KIT: variants seen among roughly 807,000 people sequenced by gnomAD.
KIT encodes the protein KIT proto-oncogene, receptor tyrosine kinase, also known as mast/stem cell growth factor receptor Kit.
In KIT, 16 loss-of-function variants were observed where a neutral mutation model predicts 105.7. That is an observed-to-expected ratio of 0.15 (90% CI 0.10 to 0.23). The LOEUF (loss-of-function observed/expected upper bound fraction) is 0.23, where lower values mean the gene tolerates loss of function less well. Ranked by LOEUF, KIT falls within the 10% of genes least tolerant of loss-of-function variation. The pLI, the probability that KIT is intolerant of heterozygous loss-of-function variation, is 1.00. For missense variants in KIT, 858 were observed against 1,213.8 expected (o/e 0.71, Z 4.36); for synonymous variants, 438 against 441.1 (o/e 0.99, Z 0.09).
In KIT at chr4:54,703,876, A is replaced by G. The variant is rs531740394; in HGVS notation, c.909A>G (p.Thr303=). The G allele has an allele frequency of 1.2e-6, 2 of 1,613,652 alleles. No individual in the cohort carries two copies. Among genetic ancestry groups the G allele is most frequent in the African/African-American group, 2.7e-5 (2 of 75,050 alleles). Residue 303 remains threonine, a synonymous_variant, in exon 5 of 21, where the codon ACA becomes ACG. Transcript: ENST00000288135. ...CTTTTGGATCAGCAAATGTCACAAC[A>G]ACCTTGGAAGTAGTAGGTAAATACC... is the stretch of plus-strand genomic sequence containing the variant. The part of the protein sequence containing the change: ...NNTFGSANVT[T]TLEVVDKGFI...
At chr4:54,709,118 A>AG (rs1172871888) in intron 6 of KIT, among the ~76,000 whole-genome samples, 3 of 81,590 alleles carry the variant, frequency 3.7e-5, no homozygotes, top group Non-Finnish European at 5.1e-5. Flanking sequence ...CGGACAGCCC[A>AG]GGGTGGTGGG....
In KIT at chr4:54,722,503, A is replaced by G. The variant is rs576592413; in HGVS notation, c.1232-1081A>G. Among the ~76,000 whole-genome samples the G allele has an allele frequency of 1.7e-3, 257 of 152,192 alleles. 1 individual carries two copies. The highest frequency in any genetic ancestry group is 6.0e-3 in the African/African-American group (250 of 41,556). On this transcript the variant is annotated intron_variant, in intron 7 of 20. Coordinates refer to ENST00000288135, the MANE Select transcript of KIT (RefSeq NM_000222.3). ...GAGCTGGTATTCAGATGTGTCCACT[A>G]TGCATGGGGCTCCCGTAATTCTGTG...
chr4:54,736,901 G>T, intron 19 of KIT, 81 bp downstream of exon 19: 1 of 1,029,282 alleles, frequency 9.7e-7, no homozygotes, highest in South Asian at 1.3e-5. Context: ...AGATGTTGAG[G>T]GTTTTCATAA....
chr4:54,694,548 G>A (rs1307836601), intron 1 of KIT, among the ~76,000 whole-genome samples: 1 of 152,036 alleles, frequency 6.6e-6, no homozygotes, highest in Admixed American at 6.6e-5. Flanking sequence ...TCTAGTTTTT[G>A]TAGATGTGTT....
chr4:54,709,246 T>G (rs1470085902), intron 6 of KIT, among the ~76,000 whole-genome samples, 178 bp from the exon 7 acceptor site: 2 of 152,230 alleles, frequency 1.3e-5, no homozygotes, highest in Admixed American at 1.3e-4. Context: ...TGGTCCCAGA[T>G]GGAATATGTG....
At chr4:54,698,601 G>T (rs975995304) in intron 3 of KIT, 36 bp downstream of exon 3, 1 of 1,610,212 alleles carries the variant, frequency 6.2e-7, no homozygotes, top group Non-Finnish European at 8.5e-7. Flanking sequence ...TGGGAGTTGA[G>T]AACTCACTTA....
intron 4 of KIT, among the ~76,000 whole-genome samples, chr4:54,702,411 C>T (rs1433170575): frequency 6.6e-6 from 1 of 151,710 alleles, no homozygotes; most frequent in African/African-American, 2.4e-5. Flanking sequence ...CTTCAAAATC[C>T]AGGACATATT....
intron 7 of KIT, among the ~76,000 whole-genome samples, chr4:54,717,349 CTGGTGGATGT>C (rs1721572938): frequency 1.3e-5 from 2 of 152,160 alleles, no homozygotes; most frequent in Non-Finnish European, 2.9e-5. Flanking sequence ...GAAAGTTGGT[CTGGTGGATGT>C]GTTGCTAATT....
chr4:54,698,576 T>G lies in KIT; in HGVS notation c.619+11T>G. The G allele has an allele frequency of 6.2e-7, 1 of 1,613,848 alleles. No individual in the cohort carries two copies. Among genetic ancestry groups the G allele is most frequent in the Non-Finnish European group, 8.5e-7 (1 of 1,179,852 alleles). ...TGAAAGTGAGGCCAGGTACTGGCTC[T>G]TTCTTATCTGCCTCTGGGAGTTGAG... On this transcript the variant is annotated intron_variant, in intron 3 of 20. Coordinates refer to ENST00000288135, the MANE Select transcript of KIT (RefSeq NM_000222.3).
At chr4:54,723,744 A>C in intron 8 of KIT, 46 bp downstream of exon 8, 3 of 1,015,628 alleles carry the variant, frequency 3.0e-6, no homozygotes, top group Non-Finnish European at 4.7e-6. Context: ...GAGGGGAAGG[A>C]CTGCAATTCA....
In KIT at chr4:54,728,021, T is replaced by G; in HGVS notation, c.1890T>G (p.His630Gln). 1 of 1,614,038 alleles carries G rather than the reference T, an allele frequency of 6.2e-7. No individual in the cohort carries two copies. The highest frequency in any genetic ancestry group is 8.5e-7 in the Non-Finnish European group (1 of 1,179,916). ...VAVKMLKPSA[H>Q]LTEREALMSE... ...TGTTTCCAATTTTAGCGAGTGCCCA[T>G]TTGACAGAACGGGAAGCCCTCATGT... The change falls in exon 13 of 21, where the codon CAT (histidine) becomes CAG (glutamine). Residue 630 changes from histidine (H) to glutamine (Q), a missense_variant. By Grantham distance (24) the His-to-Gln change is conservative (BLOSUM62 0). Coordinates refer to ENST00000288135, the MANE Select transcript of KIT (RefSeq NM_000222.3).
intron 5 of KIT, among the ~76,000 whole-genome samples, chr4:54,704,113 A>G (rs930493429): frequency 2.6e-5 from 4 of 152,212 alleles, no homozygotes; most frequent in African/African-American, 7.2e-5. Flanking sequence ...AAAATTGTTC[A>G]AACCTATTAT....
chr4:54,658,745 G>A (rs535989493), intron 1 of KIT, among the ~76,000 whole-genome samples: 3 of 152,304 alleles, frequency 2.0e-5, no homozygotes, highest in South Asian at 4.1e-4. Context: ...GCGTGGGGCT[G>A]TTGTGGGGCC....
intron 1 of KIT, among the ~76,000 whole-genome samples, chr4:54,677,531 G>A (rs1043334263): frequency 1.3e-5 from 2 of 152,302 alleles, no homozygotes; most frequent in Non-Finnish European, 2.9e-5. Context: ...GGTTTTCAGG[G>A]AAAGTGACTC....
At position 54,740,149 on chromosome 4, in the gene KIT, T is replaced by G. The variant is rs1560428238; in HGVS notation, c.*1592T>G. The G allele has an allele frequency of 3.9e-5, 9 of 233,518 alleles. No homozygotes were observed. The East Asian group carries it at 5.4e-4, about 14-fold the overall frequency. 14.5% of individuals were successfully genotyped at this position (233,518 alleles called of 1,614,324 possible). A position where few individuals can be genotyped will look rare whatever the true frequency, so the allele number is the denominator to read the frequency against. Reference sequence around the variant, plus strand: ...GTATGTTGCCTTTATGGTTTCCCCCTTCTACATTTCTTAGACTACATTTAG... The same window carrying G: ...GTATGTTGCCTTTATGGTTTCCCCCGTCTACATTTCTTAGACTACATTTAG... On this transcript the variant is annotated 3_prime_UTR_variant, in exon 21 of 21. Transcript: ENST00000288135.
rs529313391 is a variant in KIT at position 54,722,916 on chromosome 4, A to G, written c.1232-668A>G. Among the ~76,000 whole-genome samples, 11 of 145,748 alleles carry G rather than the reference A, an allele frequency of 7.5e-5. No individual in the cohort carries two copies. In the South Asian group the frequency reaches 2.0e-3, roughly 26 times the overall value. On this transcript the variant is annotated intron_variant, in intron 7 of 20. Coordinates refer to ENST00000288135, the MANE Select transcript of KIT (RefSeq NM_000222.3). ...ATATATATATATTCACGTTCATAAT[A>G]TACATAAATATATAAATCTTAGGCT...
chr4:54,700,940 T>A (rs1476014500), intron 4 of KIT, among the ~76,000 whole-genome samples: 1 of 152,248 alleles, frequency 6.6e-6, no homozygotes, highest in Non-Finnish European at 1.5e-5. Context: ...CAAAAATAGC[T>A]TATGTATGGA....
At chr4:54,687,771 G>A (rs911036739) in intron 1 of KIT, among the ~76,000 whole-genome samples, 2 of 151,900 alleles carry the variant, frequency 1.3e-5, no homozygotes, top group African/African-American at 2.4e-5. Context: ...ACACATACAC[G>A]TGCAAACACA....
chr4:54,733,458 C>T (rs1722728188), intron 17 of KIT: 1 of 382,014 alleles, frequency 2.6e-6, no homozygotes, highest in South Asian at 2.4e-5. Flanking sequence ...TTCATTATAG[C>T]CTGAGAATAG....
Sources: gnomAD v4.1 joint callset for allele counts (sites outside exome capture counted in the v4.1 genomes callset) on GRCh38, gnomAD v4.1.1 for gene constraint, MANE v1.5 for transcripts, NCBI Gene and HGNC (gene_info 2026-07-23, HGNC 2026-07-21) for gene names.